The following LRP1B variants were observed in gnomAD, a reference collection of about 807,000 sequenced individuals.
LRP1B encodes the protein low-density lipoprotein receptor-related protein 1B.
LRP1B carries 217 observed loss-of-function variants against 556.6 expected under a neutral mutation model. The observed-to-expected ratio is 0.39, with a 90% confidence interval of 0.35 to 0.44. The LOEUF is 0.44. Among genes scored for constraint, LRP1B ranks in the 20% least tolerant of loss-of-function variants. LRP1B has a pLI of 1.00. For missense variants in LRP1B, 5,053 were observed against 5,620.8 expected, an observed-to-expected ratio of 0.90 and a Z score of 3.23; for synonymous variants, 2,047 against 1,865.8, an observed-to-expected ratio of 1.10 and a Z score of -2.50.
intron 2 of LRP1B, among the ~76,000 whole-genome samples, chr2:141,508,227 A>G (rs1284974343): frequency 6.6e-6 from 1 of 152,126 alleles, no homozygotes; most frequent in African/African-American, 2.4e-5. Flanking sequence ...TTTTAATGGT[A>G]TGGGCTGTAC....
chr2:140,889,417 A>C (rs1208602681), intron 23 of LRP1B, among the ~76,000 whole-genome samples: 3 of 152,158 alleles, frequency 2.0e-5, no homozygotes, highest in Admixed American at 6.6e-5. Flanking sequence ...TGCCTCAGCC[A>C]CCTGAATAGC....
At position 141,976,168 on chromosome 2, in the gene LRP1B, G is replaced by T. The variant is rs1190309271; in HGVS notation, c.82+154480C>A. Among the ~76,000 whole-genome samples the T allele has an allele frequency of 5.3e-5, 8 of 151,612 alleles. No individual in the cohort carries two copies. In the South Asian group the frequency reaches 1.3e-3, roughly 24 times the overall value. Reference sequence around the variant, plus strand: ...TTCTTGTTTCTCCTACACTGTCTTTGGTTCAGATAAGTGAAAAAGGTGGAA... The same window carrying T: ...TTCTTGTTTCTCCTACACTGTCTTTTGTTCAGATAAGTGAAAAAGGTGGAA... On this transcript the variant is annotated intron_variant, in intron 1 of 90. Transcript: ENST00000389484.
intron 1 of LRP1B, among the ~76,000 whole-genome samples, chr2:141,848,165 A>G (rs934797628): frequency 6.6e-6 from 1 of 151,572 alleles, no homozygotes; most frequent in Non-Finnish European, 1.5e-5. Flanking sequence ...CCAATTGTTT[A>G]TGATAATTAG....
intron 1 of LRP1B, among the ~76,000 whole-genome samples, chr2:141,907,248 A>G (rs1014490921): frequency 6.6e-6 from 1 of 151,988 alleles, no homozygotes; most frequent in Admixed American, 6.6e-5. Context: ...TTTATTTTAA[A>G]TGTAAATGAA....
At chr2:140,498,841 T>C (rs1467107798) in intron 55 of LRP1B, among the ~76,000 whole-genome samples, 1 of 151,894 alleles carries the variant, frequency 6.6e-6, no homozygotes, top group African/African-American at 2.4e-5. Flanking sequence ...ATATGTAAAA[T>C]ATTTGGTCTG....
chr2:142,105,412 A>C (rs926913731), intron 1 of LRP1B, among the ~76,000 whole-genome samples: 30 of 152,158 alleles, frequency 2.0e-4, no homozygotes, highest in African/African-American at 6.8e-4. Flanking sequence ...ACATCCCATT[A>C]AATAGGGCTA....
chr2:140,522,096 C>T (rs1000285587), intron 49 of LRP1B, among the ~76,000 whole-genome samples: 8 of 152,028 alleles, frequency 5.3e-5, no homozygotes. Flanking sequence ...ACCTAATAGA[C>T]ATCCACAAAA....
At chr2:141,620,282 A>G (rs1025507208) in intron 2 of LRP1B, among the ~76,000 whole-genome samples, 1 of 152,238 alleles carries the variant, frequency 6.6e-6, no homozygotes, top group Admixed American at 6.5e-5. Flanking sequence ...GTATATTCAT[A>G]AAAGGGTTGT....
intron 51 of LRP1B, among the ~76,000 whole-genome samples, chr2:140,511,357 G>C (rs1267830313): frequency 7.2e-6 from 1 of 138,556 alleles, no homozygotes; most frequent in Non-Finnish European, 1.5e-5. Flanking sequence ...GCTGGAGTGC[G>C]GTGGCGCGGT....
intron 7 of LRP1B, among the ~76,000 whole-genome samples, chr2:141,118,264 CTCT>C (rs1327889972): frequency 2.0e-5 from 3 of 151,804 alleles, no homozygotes; most frequent in African/African-American, 4.8e-5. Context: ...GAAACAAAAA[CTCT>C]TCTTGATTTT....
chr2:141,621,693 A>G (rs1172155545), intron 2 of LRP1B, among the ~76,000 whole-genome samples: 1 of 152,178 alleles, frequency 6.6e-6, no homozygotes. Context: ...GAGGCAGAAA[A>G]TGAAATAGTC....
At chr2:141,152,194 T>G (rs1701941675) in intron 7 of LRP1B, among the ~76,000 whole-genome samples, 2 of 152,006 alleles carry the variant, frequency 1.3e-5, no homozygotes, top group South Asian at 2.1e-4. Flanking sequence ...TTACTAGCCA[T>G]GCAAACTATT....
intron 1 of LRP1B, among the ~76,000 whole-genome samples, chr2:141,916,802 A>C (rs1404884975): frequency 6.6e-6 from 1 of 152,044 alleles, no homozygotes; most frequent in Non-Finnish European, 1.5e-5. Flanking sequence ...AGGGTTGAAA[A>C]ACCAACTGTT....
At chr2:141,094,116 A>C (rs1164632784) in intron 7 of LRP1B, among the ~76,000 whole-genome samples, 2 of 152,172 alleles carry the variant, frequency 1.3e-5, no homozygotes, top group South Asian at 4.1e-4. Flanking sequence ...CAAAGGAAAA[A>C]GTAATAAAGA....
intron 88 of LRP1B, 96 bp from the exon 89 acceptor site, chr2:140,238,392 A>G: frequency 1.7e-6 from 1 of 590,860 alleles, no homozygotes; most frequent in Non-Finnish European, 2.8e-6. Context: ...CTTATTTTGA[A>G]ATAAATTGAA....
intron 41 of LRP1B, among the ~76,000 whole-genome samples, chr2:140,676,462 AATT>A (rs1317746526): frequency 6.6e-6 from 1 of 152,136 alleles, no homozygotes; most frequent in Non-Finnish European, 1.5e-5. Context: ...TCACCCCATT[AATT>A]ATTGTTTATT....
chr2:140,986,981 T>C (rs779243538), intron 17 of LRP1B, among the ~76,000 whole-genome samples: 3 of 152,188 alleles, frequency 2.0e-5, no homozygotes, highest in Non-Finnish European at 4.4e-5. Context: ...TTATCTAGCA[T>C]ATATGTCCAT....
intron 33 of LRP1B, among the ~76,000 whole-genome samples, chr2:140,772,704 T>C (rs1458031785): frequency 6.6e-6 from 1 of 152,112 alleles, no homozygotes; most frequent in Non-Finnish European, 1.5e-5. Flanking sequence ...GAGAGTTGTA[T>C]TGAGATGTAG....
At chr2:141,350,201 G>A (rs990765745) in intron 3 of LRP1B, among the ~76,000 whole-genome samples, 2 of 152,052 alleles carry the variant, frequency 1.3e-5, no homozygotes, top group African/African-American at 4.8e-5. Context: ...TTTGGGTGGG[G>A]ACACAGAGCC....
Sources: gnomAD v4.1 joint callset for allele counts (sites outside exome capture counted in the v4.1 genomes callset) on GRCh38, gnomAD v4.1.1 for gene constraint, MANE v1.5 for transcripts, NCBI Gene and HGNC (gene_info 2026-07-23, HGNC 2026-07-21) for gene names.